AGAP1: variants seen among roughly 807,000 people sequenced by gnomAD.
The protein encoded by AGAP1 is arf-GAP with GTPase, ANK repeat and PH domain-containing protein 1.
AGAP1 carries 29 observed loss-of-function variants against 105.3 expected under a neutral mutation model. The ratio of observed to expected loss-of-function variants is 0.28; its 90% CI spans 0.21 to 0.38. The LOEUF (loss-of-function observed/expected upper bound fraction) is 0.38. Ranked by LOEUF, AGAP1 falls within the 10% of genes least tolerant of loss-of-function variation. The probability of loss-of-function intolerance (pLI) is 1.00; values close to 1 mark genes in which losing one functional copy is unlikely to be tolerated. For synonymous variants in AGAP1, 509 were observed against 485.9 expected (o/e 1.05, Z -0.63); for missense variants, 998 against 1,165.1 (o/e 0.86, Z 2.09).
intron 5 of AGAP1, among the ~76,000 whole-genome samples, chr2:235,746,065 G>A (rs1036131981): frequency 5.3e-5 from 8 of 152,228 alleles, no homozygotes; most frequent in African/African-American, 9.6e-5. Context: ...AGCAGAGGTT[G>A]CAGTGAGCTG....
At chr2:236,025,160 G>A (rs2057012454) in intron 13 of AGAP1, among the ~76,000 whole-genome samples, 1 of 152,198 alleles carries the variant, frequency 6.6e-6, no homozygotes, top group Admixed American at 6.5e-5. Context: ...TGAAATAGAA[G>A]CCACTGCAAT....
intron 9 of AGAP1, among the ~76,000 whole-genome samples, chr2:235,876,171 A>G (rs2049717366): frequency 6.6e-6 from 1 of 152,198 alleles, no homozygotes; most frequent in African/African-American, 2.4e-5. Flanking sequence ...AATTGCAAAT[A>G]CTTGTATCTG....
At chr2:235,603,868 C>T (rs550508410) in intron 1 of AGAP1, among the ~76,000 whole-genome samples, 17 of 152,214 alleles carry the variant, frequency 1.1e-4, no homozygotes, top group Non-Finnish European at 2.2e-4. Flanking sequence ...GGTCTTACCG[C>T]ATTTGTCAGA....
chr2:235,589,189 G>GTTTTTTTTTTTTTTTTTT (rs1205771315), intron 1 of AGAP1, among the ~76,000 whole-genome samples: 4 of 54,942 alleles, frequency 7.3e-5, no homozygotes, highest in African/African-American at 5.1e-5. Flanking sequence ...ATAGCTTATT[G>GTTTTTTTTTTTTTTTTTT]TTTTGTTTTT....
intron 1 of AGAP1, among the ~76,000 whole-genome samples, chr2:235,547,234 T>C (rs1943654991): frequency 6.6e-6 from 1 of 152,202 alleles, no homozygotes; most frequent in Admixed American, 6.5e-5. Context: ...ACACACTTTA[T>C]TCTTCTGATT....
At chr2:235,805,435 T>C (rs998223705) in intron 8 of AGAP1, among the ~76,000 whole-genome samples, 1 of 152,180 alleles carries the variant, frequency 6.6e-6, no homozygotes, top group Non-Finnish European at 1.5e-5. Flanking sequence ...TTTTAAAGTT[T>C]GTTTTGTTAA....
At position 235,930,980 on chromosome 2, in the gene AGAP1, GC is replaced by G; in HGVS notation, c.1483+59del. ...GCCACCTCAAGGTCCTTCGTTGTAA[GC>G]CAGGGGCTGGACAGGACGCCCTAAG... On this transcript the variant is annotated intron_variant, in intron 12 of 17. Transcript: ENST00000304032. This position sits in a 1 kb window ranked among gnomAD's most constrained non-coding sequence, Gnocchi z 7.9. 5 of 1,583,252 alleles carry G rather than the reference GC, an allele frequency of 3.2e-6. No individual in the cohort carries two copies. Among genetic ancestry groups the G allele is most frequent in the Middle Eastern group, 1.7e-4 (1 of 5,836 alleles).
intron 1 of AGAP1, among the ~76,000 whole-genome samples, chr2:235,539,379 G>A (rs756794669): frequency 4.6e-5 from 7 of 152,170 alleles, no homozygotes; most frequent in Non-Finnish European, 8.8e-5. Flanking sequence ...TGAATCCCAC[G>A]CCCATTTTGA....
intron 11 of AGAP1, among the ~76,000 whole-genome samples, chr2:235,910,652 T>G (rs2051561580): frequency 6.6e-6 from 1 of 152,246 alleles, no homozygotes; most frequent in Non-Finnish European, 1.5e-5. Context: ...GTGCAGTGGC[T>G]CACGCCTGTA....
At chr2:235,544,817 A>G (rs1482500924) in intron 1 of AGAP1, among the ~76,000 whole-genome samples, 2 of 151,980 alleles carry the variant, frequency 1.3e-5, no homozygotes, top group African/African-American at 2.4e-5. Context: ...ACTTGAGGGG[A>G]CCTTTCATCT....
At chr2:235,797,438 A>G (rs1957293721) in intron 6 of AGAP1, among the ~76,000 whole-genome samples, 1 of 152,008 alleles carries the variant, frequency 6.6e-6, no homozygotes, top group African/African-American at 2.4e-5. Flanking sequence ...AACAAGTAGG[A>G]AAAACATACG....
At chr2:235,968,313 T>C in intron 12 of AGAP1, 149 bp from the exon 13 acceptor site, 1 of 1,095,084 alleles carries the variant, frequency 9.1e-7, no homozygotes, top group Non-Finnish European at 1.3e-6. Flanking sequence ...GCTCTAGGCC[T>C]CCAACTCAGC....
intron 1 of AGAP1, among the ~76,000 whole-genome samples, chr2:235,647,593 G>T (rs1947434078): frequency 6.6e-6 from 1 of 152,004 alleles, no homozygotes; most frequent in African/African-American, 2.4e-5. Context: ...TTGCAGTGTT[G>T]CCTGGGTTGG....
intron 1 of AGAP1, among the ~76,000 whole-genome samples, chr2:235,638,551 A>C (rs1262425657): frequency 6.6e-6 from 1 of 152,270 alleles, no homozygotes; most frequent in African/African-American, 2.4e-5. Flanking sequence ...GTCACATATA[A>C]GCTCAGTTTT....
At position 235,586,208 on chromosome 2, in the gene AGAP1, G is replaced by GGGTGACA. The variant is rs1454314708; in HGVS notation, c.163+91364_163+91365insCAGGTGA. Among the ~76,000 whole-genome samples the GGGTGACA allele has an allele frequency of 6.6e-6, 1 of 152,220 alleles. No individual in the cohort carries two copies. Among genetic ancestry groups the GGGTGACA allele is most frequent in the Non-Finnish European group, 1.5e-5 (1 of 68,036 alleles). ...GTGTGTGTGCGCATACACACAAAGAGGGTGAGCCCTCAGCCCGCCATACGG... is the reference window on the plus strand; with the variant it reads ...GTGTGTGTGCGCATACACACAAAGAGGGTGACAGGTGAGCCCTCAGCCCGCCATACGG... On this transcript the variant is annotated intron_variant, in intron 1 of 17. Transcript: ENST00000304032. The surrounding 1 kb of genome is among the most constrained non-coding windows in gnomAD (Gnocchi z 4.2).
chr2:235,543,152 T>G (rs1481714045), intron 1 of AGAP1, among the ~76,000 whole-genome samples: 1 of 109,218 alleles, frequency 9.2e-6, no homozygotes, highest in Non-Finnish European at 1.7e-5. Flanking sequence ...GTGTTGGGTG[T>G]TGGGTGTTGA....
rs1957389049 is a variant in AGAP1 at position 235,799,401 on chromosome 2, C to T, written c.836C>T (p.Ser279Phe). The T allele has an allele frequency of 6.2e-7, 1 of 1,613,984 alleles. No individual in the cohort carries two copies. The highest frequency in any genetic ancestry group is 1.3e-5 in the African/African-American group (1 of 74,900). Residue 279 changes from serine (S) to phenylalanine (F), a missense_variant, in exon 8 of 18, where the codon TCC (serine) becomes TTC (phenylalanine). Transcript: ENST00000304032. The surrounding 1 kb of genome is among the most constrained non-coding windows in gnomAD (Gnocchi z 5.0). ...SNGGGSLSDY[S>F]SSVPSTPSTS... ...GGAGGTGGGAGTTTAAGCGACTATT[C>T]CTCCTCCGTTCCATCGACTCCCAGC... is the stretch of plus-strand genomic sequence containing the variant.
intron 1 of AGAP1, among the ~76,000 whole-genome samples, chr2:235,521,576 A>G (rs1312149092): frequency 6.6e-6 from 1 of 152,138 alleles, no homozygotes; most frequent in African/African-American, 2.4e-5. Flanking sequence ...CTTCCCATGC[A>G]CTGTTTTTCG....
At position 235,801,112 on chromosome 2, in the gene AGAP1, C is replaced by A. The variant is rs1328096464; in HGVS notation, c.957+1590C>A. ...ACACACCCCCTCGTCCCCAGCCTCC[C>A]CTTGCTTTTGCTAGTTGCCTTGCGC... On this transcript the variant is annotated intron_variant, in intron 8 of 17. Coordinates refer to ENST00000304032, the MANE Select transcript of AGAP1 (RefSeq NM_001037131.3). The surrounding 1 kb of genome is among the most constrained non-coding windows in gnomAD (Gnocchi z 6.0). Among the ~76,000 whole-genome samples the A allele has an allele frequency of 1.3e-5, 2 of 152,154 alleles. No individual in the cohort carries two copies. The highest frequency in any genetic ancestry group is 2.4e-5 in the African/African-American group (1 of 41,410).
Sources: gnomAD v4.1 joint callset for allele counts (sites outside exome capture counted in the v4.1 genomes callset) on GRCh38, gnomAD v4.1.1 for gene constraint, Gnocchi (gnomAD v3.1) non-coding constraint, MANE v1.5 for transcripts, NCBI Gene and HGNC (gene_info 2026-07-23, HGNC 2026-07-21) for gene names.